NAV1: variants seen among roughly 807,000 people sequenced by gnomAD.
NAV1 encodes neuron navigator 1.
In NAV1, 18 loss-of-function variants were observed where a neutral mutation model predicts 175.2. The ratio of observed to expected loss-of-function variants is 0.10; its 90% CI spans 0.07 to 0.15. The LOEUF is 0.15. Among genes scored for constraint, NAV1 ranks in the 10% least tolerant of loss-of-function variants. NAV1 has a pLI of 1.00. For missense variants in NAV1, 1,731 were observed against 2,436.6 expected, an observed-to-expected ratio of 0.71 and a Z score of 6.10; for synonymous variants, 897 against 978.7, an observed-to-expected ratio of 0.92 and a Z score of 1.56.
intron 1 of NAV1, among the ~76,000 whole-genome samples, chr1:201,552,513 G>A (rs1434080344): frequency 6.6e-6 from 1 of 152,038 alleles, no homozygotes; most frequent in Non-Finnish European, 1.5e-5. Context: ...TCTGACGCAT[G>A]TGGGGTAATG....
At chr1:201,789,712 A>G in intron 10 of NAV1, 28 bp from the exon 15 acceptor site, 1 of 1,612,842 alleles carries the variant, frequency 6.2e-7, no homozygotes. Context: ...ACCCACTGTT[A>G]ACTCTTTGTG....
At chr1:201,676,294 G>A (rs1453962468) in intron 1 of NAV1, among the ~76,000 whole-genome samples, 1 of 152,188 alleles carries the variant, frequency 6.6e-6, no homozygotes, top group Non-Finnish European at 1.5e-5. Flanking sequence ...GAGAAAGTTT[G>A]ACTCCTTCCT....
At chr1:201,666,398 T>C (rs1669825411) in intron 1 of NAV1, among the ~76,000 whole-genome samples, 1 of 151,922 alleles carries the variant, frequency 6.6e-6, no homozygotes, top group Non-Finnish European at 1.5e-5. Flanking sequence ...CTCTGTTATG[T>C]AGGAAACATA....
rs560446726 is a variant in NAV1 at position 201,596,317 on chromosome 1, C to T, written c.-33+7668C>T. On this transcript the variant is annotated intron_variant, in intron 2 of 33. Transcript: ENST00000685211. ...GCACCTTCGTGTATCTCTCATTAGTCCAAGGGCTTCCTGATGACAGGGACT... is the reference window on the plus strand; with the variant it reads ...GCACCTTCGTGTATCTCTCATTAGTTCAAGGGCTTCCTGATGACAGGGACT... Among the ~76,000 whole-genome samples, 3 of 152,330 alleles carry T rather than the reference C, an allele frequency of 2.0e-5. No homozygotes were observed. The South Asian group carries it at 6.2e-4, about 32-fold the overall frequency.
intron 15 of NAV1, among the ~76,000 whole-genome samples, chr1:201,800,264 G>T (rs1282732967): frequency 6.6e-6 from 1 of 152,236 alleles, no homozygotes; most frequent in Non-Finnish European, 1.5e-5. Flanking sequence ...GCCTCCCAGA[G>T]TGCTGGAATT....
chr1:201,641,484 T>C (rs2819392), intron 2 of NAV1, among the ~76,000 whole-genome samples: 10,437 of 152,204 alleles, frequency 0.069, 1,141 homozygotes, highest in African/African-American at 0.23. Flanking sequence ...AGAAGTCCCA[T>C]GTTTTGGGTG....
At position 201,787,632 on chromosome 1, in the gene NAV1, G is replaced by A. The variant is rs1676847248; in HGVS notation, c.2996-836G>A. On this transcript the variant is annotated intron_variant, in intron 9 of 29. Transcript: ENST00000367296. This position sits in a 1 kb window ranked among gnomAD's most constrained non-coding sequence, Gnocchi z 4.3. ...AATTTGAAAAGGTCAACAGAGAGGT[G>A]TGCCATCTTCTTCTGCACAGGTCTT... is the stretch of plus-strand genomic sequence containing the variant. 2.2e-6 allele frequency: 1 copy of A among 456,100 alleles called. No homozygotes were observed. Among genetic ancestry groups the A allele is most frequent in the South Asian group, 1.6e-5 (1 of 64,504 alleles). 28.3% of individuals were successfully genotyped at this position (456,100 alleles called of 1,614,324 possible). A position where few individuals can be genotyped will look rare whatever the true frequency, so the allele number is the denominator to read the frequency against.
At chr1:201,753,244 C>T (rs1293634551) in intron 3 of NAV1, among the ~76,000 whole-genome samples, 2 of 152,162 alleles carry the variant, frequency 1.3e-5, no homozygotes, top group African/African-American at 4.8e-5. Flanking sequence ...GGCATACATA[C>T]TGCAGTTTAT....
chr1:201,763,604 C>T (rs966386761), intron 3 of NAV1, among the ~76,000 whole-genome samples: 1 of 152,188 alleles, frequency 6.6e-6, no homozygotes, highest in African/African-American at 2.4e-5. Context: ...CATTCCTCAC[C>T]CACAGTTGGT....
At chr1:201,731,874 T>A (rs536927745) in intron 3 of NAV1, among the ~76,000 whole-genome samples, 2 of 152,158 alleles carry the variant, frequency 1.3e-5, no homozygotes, top group Non-Finnish European at 2.9e-5. Flanking sequence ...TCACTGCCCC[T>A]TTCCAAGCCA....
At position 201,810,002 on chromosome 1, in the gene NAV1, C is replaced by CTGTAG; in HGVS notation, c.4458_4459insTGTAG (p.His1487CysfsTer10). On this transcript the variant is annotated frameshift_variant, in exon 23 of 30. Transcript: ENST00000367296. LOFTEE classifies it high-confidence loss of function. The surrounding 1 kb of genome is among the most constrained non-coding windows in gnomAD (Gnocchi z 6.0). Reference sequence around the variant, plus strand: ...CCCTGGGACTAAGCACTGAGTCCATCCATGGCTACAGCATCAGCCACGTGA... The same window carrying CTGTAG: ...CCCTGGGACTAAGCACTGAGTCCATCTGTAGCATGGCTACAGCATCAGCCACGTGA... 6.2e-7 allele frequency: 1 copy of CTGTAG among 1,614,036 alleles called. No homozygotes were observed. The highest frequency in any genetic ancestry group is 8.5e-7 in the Non-Finnish European group (1 of 1,179,982).
rs576451930 is a variant in NAV1 at position 201,649,527 on chromosome 1, G to A, written c.757+102G>A. 2.8e-6 allele frequency: 4 copies of A among 1,424,900 alleles called. No homozygotes were observed. In the East Asian group the frequency reaches 7.7e-5, roughly 27 times the overall value. The allele number at this position is 1,424,900 out of a possible 1,614,324, so 88.3% of individuals were successfully genotyped here. A position where few individuals can be genotyped will look rare whatever the true frequency, so the allele number is the denominator to read the frequency against. On this transcript the variant is annotated intron_variant, in intron 1 of 29. Transcript: ENST00000367296. ...AAGCCCCCTCCCCTTGCGCCTTCCC[G>A]GAGGGCCCTCCTGTTCACGATCAGG...
At chr1:201,641,746 C>T (rs1668757575) in intron 2 of NAV1, among the ~76,000 whole-genome samples, 1 of 152,162 alleles carries the variant, frequency 6.6e-6, no homozygotes, top group Non-Finnish European at 1.5e-5. Flanking sequence ...GCTTGAAGAG[C>T]CATGTGGCTG....
At chr1:201,562,253 A>C (rs775953291) in intron 1 of NAV1, among the ~76,000 whole-genome samples, 5 of 148,968 alleles carry the variant, frequency 3.4e-5, no homozygotes, top group African/African-American at 5.0e-5. Flanking sequence ...TCCTGGGCTC[A>C]AGTGATCCTC....
chr1:201,809,786 T>C (rs1454693238), intron 22 of NAV1, among the ~76,000 whole-genome samples, 160 bp from the exon 27 acceptor site: 2 of 152,196 alleles, frequency 1.3e-5, no homozygotes, highest in Non-Finnish European at 2.9e-5. Context: ...ACTGGGATCC[T>C]GGGGACCTTT....
chr1:201,744,668 T>G (rs1445175664), intron 3 of NAV1, among the ~76,000 whole-genome samples: 3 of 152,188 alleles, frequency 2.0e-5, no homozygotes, highest in Non-Finnish European at 4.4e-5. Flanking sequence ...TGAGTGGTCC[T>G]GGAGAGCTTC....
At chr1:201,609,076 G>A (rs988683023) in intron 2 of NAV1, among the ~76,000 whole-genome samples, 1 of 152,248 alleles carries the variant, frequency 6.6e-6, no homozygotes, top group Non-Finnish European at 1.5e-5. Flanking sequence ...CCTAGGGACT[G>A]AGTAACTCGG....
intron 1 of NAV1, among the ~76,000 whole-genome samples, chr1:201,573,617 G>A (rs1666610631): frequency 6.6e-6 from 1 of 152,116 alleles, no homozygotes; most frequent in African/African-American, 2.4e-5. Flanking sequence ...TTCTGCTCCA[G>A]GCCTGCCTGC....
At chr1:201,676,534 G>A (rs924386854) in intron 1 of NAV1, among the ~76,000 whole-genome samples, 4 of 151,988 alleles carry the variant, frequency 2.6e-5, no homozygotes, top group African/African-American at 7.3e-5. Flanking sequence ...GCCACACAGC[G>A]AGGGAAGCGG....
Sources: gnomAD v4.1 joint callset for allele counts (sites outside exome capture counted in the v4.1 genomes callset) on GRCh38, gnomAD v4.1.1 for gene constraint, Gnocchi (gnomAD v3.1) non-coding constraint, MANE v1.5 for transcripts, NCBI Gene and HGNC (gene_info 2026-07-23, HGNC 2026-07-21) for gene names.